PHF21B: variants seen among roughly 807,000 people sequenced by gnomAD.
The protein encoded by PHF21B is PHD finger protein 21B.
A neutral mutation model predicts 62.2 loss-of-function variants in PHF21B; 22 were observed. The ratio of observed to expected loss-of-function variants is 0.35; its 90% CI spans 0.25 to 0.51. The LOEUF is 0.51. Ranked by LOEUF, PHF21B falls within the 20% of genes least tolerant of loss-of-function variation. PHF21B has a pLI of 0.97. For missense variants in PHF21B, 701 were observed against 707.9 expected, an observed-to-expected ratio of 0.99 and a Z score of 0.11; for synonymous variants, 341 against 314.7, an observed-to-expected ratio of 1.08 and a Z score of -0.88.
chr22:44,961,341 T>C lies in PHF21B; in HGVS notation c.121-40851A>G, dbSNP rs527746749. 9.2e-5 allele frequency among the ~76,000 whole-genome samples: 14 copies of C among 152,196 alleles called. No homozygotes were observed. In the South Asian group the frequency reaches 2.9e-3, roughly 32 times the overall value. Reference sequence around the variant, plus strand: ...AGGTATACTTCGTGATGCTCAGATATGGGGTACAACTGATCCTGTCACCCA... The same window carrying C: ...AGGTATACTTCGTGATGCTCAGATACGGGGTACAACTGATCCTGTCACCCA... On this transcript the variant is annotated intron_variant, in intron 2 of 12. Transcript: ENST00000313237.
chr22:44,940,117 T>C (rs1293242677), intron 2 of PHF21B, among the ~76,000 whole-genome samples: 1 of 152,136 alleles, frequency 6.6e-6, no homozygotes. Context: ...ATCTGTGAAA[T>C]GCAGAAGTGC....
intron 2 of PHF21B, among the ~76,000 whole-genome samples, chr22:44,936,613 A>C (rs778260633): frequency 6.6e-6 from 1 of 152,208 alleles, no homozygotes; most frequent in African/African-American, 2.4e-5. Flanking sequence ...AAAAGATATT[A>C]AAGTATCTAA....
At chr22:44,972,398 A>G (rs2072655691) in intron 2 of PHF21B, among the ~76,000 whole-genome samples, 2 of 152,232 alleles carry the variant, frequency 1.3e-5, no homozygotes, top group Non-Finnish European at 1.5e-5. Flanking sequence ...AAAAACCTGA[A>G]AAGCCAAAGA....
At position 45,009,866 on chromosome 22, in the gene PHF21B, C is replaced by G. The variant is rs1178787338; in HGVS notation, c.-317G>C. ...CGGGAGCCCCGCGCAGCCCCGCGCGCGCCCGCCCAGCCGCCGCCGCCGCCG... is the reference window on the plus strand; with the variant it reads ...CGGGAGCCCCGCGCAGCCCCGCGCGGGCCCGCCCAGCCGCCGCCGCCGCCG... On this transcript the variant is annotated 5_prime_UTR_variant, in exon 1 of 13. Transcript: ENST00000313237. The surrounding 1 kb of genome is among the most constrained non-coding windows in gnomAD (Gnocchi z 5.9). 3.4e-5 allele frequency: 5 copies of G among 146,346 alleles called. No homozygotes were observed. The highest frequency in any genetic ancestry group is 7.6e-5 in the Non-Finnish European group (5 of 65,560). The allele number at this position is 146,346 out of a possible 1,614,324, so 9.1% of individuals were successfully genotyped here.
At chr22:44,960,460 G>C (rs2072395814) in intron 2 of PHF21B, among the ~76,000 whole-genome samples, 1 of 152,158 alleles carries the variant, frequency 6.6e-6, no homozygotes. Context: ...ACCCTCCACT[G>C]GCTGGAAGTC....
At chr22:44,965,310 C>G (rs2072503590) in intron 2 of PHF21B, among the ~76,000 whole-genome samples, 2 of 152,056 alleles carry the variant, frequency 1.3e-5, no homozygotes, top group South Asian at 4.1e-4. Context: ...GCCTCTTCCC[C>G]TCTGCACAGC....
At chr22:44,930,804 G>A (rs1019665568) in intron 2 of PHF21B, among the ~76,000 whole-genome samples, 9 of 152,318 alleles carry the variant, frequency 5.9e-5, no homozygotes, top group Non-Finnish European at 1.0e-4. Flanking sequence ...AGGGCAGGGC[G>A]CAAGGGCGGC....
intron 2 of PHF21B, among the ~76,000 whole-genome samples, chr22:45,004,267 G>A (rs2073273074): frequency 6.6e-6 from 1 of 152,196 alleles, no homozygotes; most frequent in Non-Finnish European, 1.5e-5. Flanking sequence ...TTTTGTTGAT[G>A]TTTTTAAGTA....
intron 2 of PHF21B, among the ~76,000 whole-genome samples, chr22:44,966,560 G>A (rs1433273480): frequency 3.3e-5 from 5 of 152,098 alleles, no homozygotes; most frequent in East Asian, 1.9e-4. Context: ...GAGACCACAG[G>A]TCAAGGCCAG....
At chr22:44,890,026 TGGGCTC>T (rs2070935417) in intron 8 of PHF21B, among the ~76,000 whole-genome samples, 2 of 105,170 alleles carry the variant, frequency 1.9e-5, no homozygotes, top group Non-Finnish European at 4.1e-5. Context: ...CCATGACACC[TGGGCTC>T]ACCCCAGGGC....
chr22:44,959,531 C>T (rs1024551279), intron 2 of PHF21B, among the ~76,000 whole-genome samples: 2 of 152,210 alleles, frequency 1.3e-5, no homozygotes, highest in Non-Finnish European at 2.9e-5. Flanking sequence ...TCACACCTGG[C>T]TGCCCCGGCT....
chr22:44,903,904 C>A (rs1412013606), intron 5 of PHF21B, among the ~76,000 whole-genome samples: 1 of 152,132 alleles, frequency 6.6e-6, no homozygotes, highest in African/African-American at 2.4e-5. Context: ...GTTTTCATTT[C>A]TCTAAAAGTA....
chr22:45,006,753 A>C (rs1049628786), intron 2 of PHF21B, among the ~76,000 whole-genome samples: 1 of 152,128 alleles, frequency 6.6e-6, no homozygotes, highest in African/African-American at 2.4e-5. Flanking sequence ...TCTCTCTTTT[A>C]AATCTTCTAG....
At chr22:44,991,611 T>A (rs1485712297) in intron 2 of PHF21B, among the ~76,000 whole-genome samples, 1 of 152,092 alleles carries the variant, frequency 6.6e-6, no homozygotes, top group East Asian at 1.9e-4. Flanking sequence ...AGGACATCCA[T>A]GGAGGGGCAG....
chr22:44,932,375 T>TAAAGG (rs2071759833), intron 2 of PHF21B, among the ~76,000 whole-genome samples: 1 of 152,130 alleles, frequency 6.6e-6, no homozygotes, highest in South Asian at 2.1e-4. Context: ...AGTGTCCTTA[T>TAAAGG]TCCTTCCTAG....
At chr22:44,978,452 C>T (rs1020134583) in intron 2 of PHF21B, among the ~76,000 whole-genome samples, 4 of 152,208 alleles carry the variant, frequency 2.6e-5, no homozygotes, top group East Asian at 3.8e-4. Flanking sequence ...CTCCGCTTCC[C>T]GGGTTCAAGC....
At chr22:44,990,656 G>A (rs1213727192) in intron 2 of PHF21B, among the ~76,000 whole-genome samples, 1 of 152,188 alleles carries the variant, frequency 6.6e-6, no homozygotes, top group Non-Finnish European at 1.5e-5. Flanking sequence ...TAAGATGCCG[G>A]CTACCAGGAG....
chr22:44,902,964 T>C (rs181380121), intron 5 of PHF21B, among the ~76,000 whole-genome samples: 192 of 152,354 alleles, frequency 1.3e-3, no homozygotes, highest in Non-Finnish European at 2.4e-3. Flanking sequence ...GCCAAGGCAA[T>C]TGACTTCATT....
At chr22:45,006,669 T>A (rs974131455) in intron 2 of PHF21B, among the ~76,000 whole-genome samples, 4 of 152,094 alleles carry the variant, frequency 2.6e-5, no homozygotes, top group Admixed American at 6.5e-5. Context: ...ATAGTAAAAC[T>A]ACTGCCAAGC....
Sources: gnomAD v4.1 joint callset for allele counts (sites outside exome capture counted in the v4.1 genomes callset) on GRCh38, gnomAD v4.1.1 for gene constraint, Gnocchi (gnomAD v3.1) non-coding constraint, MANE v1.5 for transcripts, NCBI Gene and HGNC (gene_info 2026-07-23, HGNC 2026-07-21) for gene names.